The following DNAJC1 variants were observed in gnomAD, a reference collection of about 807,000 sequenced individuals.
DNAJC1 encodes the protein dnaJ homolog subfamily C member 1.
DNAJC1 carries 58 observed loss-of-function variants against 76.6 expected under a neutral mutation model. The ratio of observed to expected loss-of-function variants is 0.76; its 90% CI spans 0.61 to 0.94. DNAJC1 has a LOEUF of 0.94. Ranked by LOEUF, DNAJC1 falls within the 40% of genes least tolerant of loss-of-function variation. The probability of loss-of-function intolerance (pLI) is 0.00; values close to 1 mark genes in which losing one functional copy is unlikely to be tolerated. For missense variants in DNAJC1, 689 were observed against 677.3 expected, an observed-to-expected ratio of 1.02 and a Z score of -0.19; for synonymous variants, 258 against 267.9, an observed-to-expected ratio of 0.96 and a Z score of 0.36.
chr10:21,856,280 TA>T (rs1391898038), intron 8 of DNAJC1, among the ~76,000 whole-genome samples: 4 of 152,178 alleles, frequency 2.6e-5, no homozygotes, highest in Admixed American at 1.3e-4. Context: ...CATTAAAAAT[TA>T]AATTATGTAA....
chr10:21,784,344 C>A (rs1834574080), intron 9 of DNAJC1, among the ~76,000 whole-genome samples: 1 of 152,160 alleles, frequency 6.6e-6, no homozygotes, highest in Non-Finnish European at 1.5e-5. Context: ...ATCAAAACCA[C>A]AATGAAATGC....
intron 8 of DNAJC1, among the ~76,000 whole-genome samples, chr10:21,817,116 C>T (rs529031919): frequency 1.4e-4 from 19 of 139,538 alleles, no homozygotes; most frequent in South Asian, 9.5e-4. Context: ...GCTGAGATCG[C>T]GCCACTGCAC....
intron 1 of DNAJC1, among the ~76,000 whole-genome samples, chr10:21,973,091 T>C (rs1180565859): frequency 6.6e-6 from 1 of 152,102 alleles, no homozygotes; most frequent in African/African-American, 2.4e-5. Context: ...AATAAATACA[T>C]ATTTATATTT....
chr10:21,987,167 G>A (rs1005371502), intron 1 of DNAJC1, among the ~76,000 whole-genome samples: 2 of 152,150 alleles, frequency 1.3e-5, no homozygotes, highest in Non-Finnish European at 2.9e-5. Context: ...ATAAAATTAT[G>A]TTTAATGGGA....
At chr10:21,785,986 A>C (rs969541175) in intron 9 of DNAJC1, among the ~76,000 whole-genome samples, 2 of 152,150 alleles carry the variant, frequency 1.3e-5, no homozygotes, top group Admixed American at 1.3e-4. Flanking sequence ...TATATACTTC[A>C]GGCTCCATTT....
intron 8 of DNAJC1, among the ~76,000 whole-genome samples, chr10:21,844,852 A>G (rs757752046): frequency 3.9e-5 from 6 of 152,290 alleles, no homozygotes; most frequent in Non-Finnish European, 7.4e-5. Flanking sequence ...TGGCAACATA[A>G]GAGACCCTGT....
At position 21,882,204 on chromosome 10, in the gene DNAJC1, T is replaced by C. The variant is rs142630758; in HGVS notation, c.978+78A>G. ...TGAAGTGCAATAAAACAAAGCACTA[T>C]ATCGTGAGCTAACCCTGTATTTTAT... On this transcript the variant is annotated intron_variant, in intron 8 of 11. Coordinates refer to ENST00000376980, the MANE Select transcript of DNAJC1 (RefSeq NM_022365.4). 4 of 1,310,008 alleles carry C rather than the reference T, an allele frequency of 3.1e-6. No homozygotes were observed. The African/African-American group carries it at 4.6e-5, about 15-fold the overall frequency. The allele number at this position is 1,310,008 out of a possible 1,614,324, so 81.1% of individuals were successfully genotyped here.
intron 8 of DNAJC1, among the ~76,000 whole-genome samples, chr10:21,811,244 A>G (rs992743962): frequency 6.6e-6 from 1 of 152,212 alleles, no homozygotes; most frequent in Non-Finnish European, 1.5e-5. Context: ...AACTCCATCC[A>G]TGACACTGTC....
intron 4 of DNAJC1, chr10:21,920,597 G>T: frequency 7.1e-6 from 3 of 421,734 alleles, no homozygotes; most frequent in East Asian, 4.0e-5. Context: ...AAACTTAAGT[G>T]CCACATTTTT....
chr10:21,901,560 T>C (rs931416768), intron 7 of DNAJC1, among the ~76,000 whole-genome samples: 1 of 152,202 alleles, frequency 6.6e-6, no homozygotes, highest in Non-Finnish European at 1.5e-5. Context: ...ACAATTTTTT[T>C]ACAGAAAGAC....
intron 1 of DNAJC1, among the ~76,000 whole-genome samples, chr10:21,974,775 T>C (rs1352506204): frequency 6.6e-6 from 1 of 152,170 alleles, no homozygotes; most frequent in Non-Finnish European, 1.5e-5. Context: ...AAAACGATGT[T>C]ACTTACATAT....
At chr10:21,812,215 C>T (rs373595206) in intron 8 of DNAJC1, among the ~76,000 whole-genome samples, 28 of 152,164 alleles carry the variant, frequency 1.8e-4, no homozygotes, top group African/African-American at 4.6e-4. Context: ...CCCGCCACCA[C>T]GCCCAGCTAA....
chr10:21,966,646 G>C (rs1003938075), intron 1 of DNAJC1, among the ~76,000 whole-genome samples: 2 of 150,864 alleles, frequency 1.3e-5, no homozygotes, highest in African/African-American at 4.9e-5. Context: ...GATCCTCCAA[G>C]CTAACTACTG....
intron 1 of DNAJC1, among the ~76,000 whole-genome samples, chr10:22,001,508 T>A (rs1838517985): frequency 6.6e-6 from 1 of 152,220 alleles, no homozygotes; most frequent in African/African-American, 2.4e-5. Flanking sequence ...TGACAAAGAA[T>A]CTTCTTGATT....
intron 3 of DNAJC1, among the ~76,000 whole-genome samples, chr10:21,926,014 G>C (rs560089923): frequency 3.3e-5 from 5 of 152,320 alleles, no homozygotes; most frequent in African/African-American, 1.2e-4. Flanking sequence ...GTGTCGCCCA[G>C]GCTAAGCACA....
intron 8 of DNAJC1, among the ~76,000 whole-genome samples, chr10:21,826,055 G>A (rs1284755011): frequency 3.3e-5 from 5 of 152,030 alleles, no homozygotes; most frequent in East Asian, 1.9e-4. Context: ...TGGCCAACAT[G>A]GCAAAACCCT....
chr10:21,852,441 TG>T (rs1395500652), intron 8 of DNAJC1, among the ~76,000 whole-genome samples: 3 of 152,266 alleles, frequency 2.0e-5, no homozygotes, highest in Non-Finnish European at 4.4e-5. Flanking sequence ...GCTACTGAAT[TG>T]TTCATTTTAA....
chr10:21,757,184 C>T lies in DNAJC1; in HGVS notation c.1597-429G>A, dbSNP rs936437318. Among the ~76,000 whole-genome samples, 7 of 152,312 alleles carry T rather than the reference C, an allele frequency of 4.6e-5. No homozygotes were observed. The South Asian group carries it at 8.3e-4, about 18-fold the overall frequency. On this transcript the variant is annotated intron_variant, in intron 11 of 11. Transcript: ENST00000376980. Reference sequence around the variant, plus strand: ...CCCTAGGCGCTGCTAAGACCTTTCCCGTGGGGAGCCAGCCCCCAGGACACT... The same window carrying T: ...CCCTAGGCGCTGCTAAGACCTTTCCTGTGGGGAGCCAGCCCCCAGGACACT...
chr10:21,831,529 G>A (rs1313853092), intron 8 of DNAJC1, among the ~76,000 whole-genome samples: 3 of 152,084 alleles, frequency 2.0e-5, no homozygotes, highest in South Asian at 2.1e-4. Context: ...AGTGGCTTGC[G>A]CCTGTAATCC....
Sources: allele counts gnomAD v4.1 joint callset (sites outside exome capture counted in the v4.1 genomes callset), GRCh38; gene constraint gnomAD v4.1.1; transcripts MANE v1.5; gene names NCBI Gene and HGNC (gene_info 2026-07-23, HGNC 2026-07-21).